DPP10: variants seen among roughly 807,000 people sequenced by gnomAD.
DPP10 encodes the protein dipeptidyl peptidase like 10, also known as inactive dipeptidyl peptidase 10.
DPP10 carries 33 observed loss-of-function variants against 120.9 expected under a neutral mutation model. That is an observed-to-expected ratio of 0.27 (90% CI 0.21 to 0.37). The LOEUF (loss-of-function observed/expected upper bound fraction) is 0.37, where lower values mean the gene tolerates loss of function less well. Ranked by LOEUF, DPP10 falls within the 10% of genes least tolerant of loss-of-function variation. The pLI is 1.00. For synonymous variants in DPP10, 337 were observed against 326.1 expected, an observed-to-expected ratio of 1.03 and a Z score of -0.36; for missense variants, 816 against 942.8, an observed-to-expected ratio of 0.87 and a Z score of 1.76.
chr2:115,362,701 C>T (rs1355243957), intron 3 of DPP10, among the ~76,000 whole-genome samples: 1 of 152,138 alleles, frequency 6.6e-6, no homozygotes, highest in Non-Finnish European at 1.5e-5. Context: ...AGTTTATCGC[C>T]ATGTCAACAT....
intron 7 of DPP10, among the ~76,000 whole-genome samples, chr2:115,711,519 T>G (rs1330610540): frequency 6.6e-6 from 1 of 152,070 alleles, no homozygotes; most frequent in Non-Finnish European, 1.5e-5. Flanking sequence ...GGAGGGTGAT[T>G]GTCTGAGATG....
chr2:115,775,335 C>T (rs1681969004), intron 13 of DPP10, among the ~76,000 whole-genome samples: 1 of 151,528 alleles, frequency 6.6e-6, no homozygotes, highest in African/African-American at 2.4e-5. Flanking sequence ...TCTATAAGAG[C>T]TGTCAAGGGT....
At chr2:115,220,669 C>A (rs929125694) in intron 1 of DPP10, among the ~76,000 whole-genome samples, 3 of 152,182 alleles carry the variant, frequency 2.0e-5, no homozygotes, top group Non-Finnish European at 4.4e-5. Context: ...ATGTCACTTA[C>A]ACTTTGGAAA....
intron 1 of DPP10, among the ~76,000 whole-genome samples, chr2:114,654,242 A>T (rs954006576): frequency 1.3e-5 from 2 of 152,210 alleles, no homozygotes; most frequent in East Asian, 3.9e-4. Context: ...GCAGGTAAGC[A>T]GTCTAACCAG....
chr2:114,502,232 C>T (rs1042463371), intron 1 of DPP10, among the ~76,000 whole-genome samples: 5 of 152,106 alleles, frequency 3.3e-5, no homozygotes, highest in Admixed American at 6.5e-5. Context: ...GGATAACAGG[C>T]GTGAGCCACT....
At chr2:115,171,700 C>T (rs1292727887) in intron 1 of DPP10, among the ~76,000 whole-genome samples, 2 of 149,968 alleles carry the variant, frequency 1.3e-5, no homozygotes, top group African/African-American at 4.9e-5. Context: ...CCTTCCTTGC[C>T]GCTTAAGTAT....
rs2150144630 is a variant in DPP10, at chr2:115,843,385, C to G, written c.*1040C>G. ...GGTGGAGAAGGCTTTTTTCAAAACTCTTGGTCCTTTTACTTCTTTCTCTCA... is the reference window on the plus strand; with the variant it reads ...GGTGGAGAAGGCTTTTTTCAAAACTGTTGGTCCTTTTACTTCTTTCTCTCA... On this transcript the variant is annotated 3_prime_UTR_variant, in exon 26 of 26. Coordinates refer to ENST00000410059, the MANE Select transcript of DPP10 (RefSeq NM_020868.6). The G allele has an allele frequency of 6.5e-6, 1 of 152,714 alleles. No individual in the cohort carries two copies. The highest frequency in any genetic ancestry group is 1.9e-4 in the East Asian group (1 of 5,186). The allele number at this position is 152,714 out of a possible 1,614,324, so 9.5% of individuals were successfully genotyped here.
chr2:115,403,336 A>ACAACGATG (rs970310021), intron 3 of DPP10, among the ~76,000 whole-genome samples: 1 of 150,178 alleles, frequency 6.7e-6, no homozygotes, highest in African/African-American at 2.5e-5. Context: ...CAGGGACAAG[A>ACAACGATG]CAACGATGCT....
chr2:115,612,246 A>C (rs924637848), intron 5 of DPP10, among the ~76,000 whole-genome samples: 1 of 152,284 alleles, frequency 6.6e-6, no homozygotes, highest in African/African-American at 2.4e-5. Context: ...AAATTTTCCA[A>C]AAAGAATCTA....
At chr2:115,567,408 A>G (rs1482873128) in intron 5 of DPP10, among the ~76,000 whole-genome samples, 1 of 152,050 alleles carries the variant, frequency 6.6e-6, no homozygotes, top group African/African-American at 2.4e-5. Context: ...CTGCAAATAC[A>G]TTATATTGTA....
At chr2:115,535,893 C>T (rs2078799824) in intron 5 of DPP10, among the ~76,000 whole-genome samples, 1 of 151,884 alleles carries the variant, frequency 6.6e-6, no homozygotes, top group Non-Finnish European at 1.5e-5. Flanking sequence ...TGGGAGTTCA[C>T]TCATGATTTG....
At chr2:115,242,456 T>C (rs1472726511) in intron 1 of DPP10, among the ~76,000 whole-genome samples, 1 of 152,192 alleles carries the variant, frequency 6.6e-6, no homozygotes, top group Non-Finnish European at 1.5e-5. Context: ...TTGCAAATTG[T>C]GCTGCTATAA....
At chr2:114,954,229 C>T (rs1394920138) in intron 1 of DPP10, among the ~76,000 whole-genome samples, 2 of 151,712 alleles carry the variant, frequency 1.3e-5, no homozygotes, top group East Asian at 1.9e-4. Context: ...TACAGGCGCC[C>T]GCCACCACCC....
intron 1 of DPP10, among the ~76,000 whole-genome samples, chr2:115,004,674 G>A (rs1444581936): frequency 2.0e-5 from 3 of 152,112 alleles, no homozygotes; most frequent in Admixed American, 6.5e-5. Context: ...CTTAAAAAAC[G>A]GCGCACCATG....
chr2:115,379,882 C>A (rs1220833681), intron 3 of DPP10, among the ~76,000 whole-genome samples: 1 of 152,104 alleles, frequency 6.6e-6, no homozygotes, highest in African/African-American at 2.4e-5. Context: ...ATTCTTAATC[C>A]TGAGTTCTAG....
chr2:114,833,577 C>T (rs1024723915), intron 1 of DPP10: 6 of 152,160 alleles, frequency 3.9e-5, no homozygotes, highest in African/African-American at 1.4e-4. Flanking sequence ...TCTGTGACAT[C>T]ATAATTTTGG....
rs377139485 is a variant in DPP10 at position 115,407,932 on chromosome 2, G to A, written c.271+64020G>A. Among the ~76,000 whole-genome samples the A allele has an allele frequency of 3.3e-5, 5 of 152,062 alleles. No individual in the cohort carries two copies. In the South Asian group the frequency reaches 8.3e-4, roughly 25 times the overall value. On this transcript the variant is annotated intron_variant, in intron 3 of 25. Transcript: ENST00000410059. The stretch of plus-strand genomic sequence containing the variant: ...TAGGGATTTAGGATGCATTCAAAAG[G>A]GGTACAGACTGAAGATGAATGGCTA...
chr2:115,163,827 G>A (rs994671391), intron 1 of DPP10, among the ~76,000 whole-genome samples: 2 of 152,018 alleles, frequency 1.3e-5, no homozygotes, highest in South Asian at 2.1e-4. Context: ...GGTGGAAGTG[G>A]GATGCAGAAG....
chr2:115,303,478 C>T (rs1363450936), intron 1 of DPP10, among the ~76,000 whole-genome samples: 1 of 151,790 alleles, frequency 6.6e-6, no homozygotes, highest in Non-Finnish European at 1.5e-5. Context: ...TTTAAAAAAA[C>T]TCCTCTGATT....
Sources: gnomAD v4.1 joint callset for allele counts (sites outside exome capture counted in the v4.1 genomes callset) on GRCh38, gnomAD v4.1.1 for gene constraint, MANE v1.5 for transcripts, NCBI Gene and HGNC (gene_info 2026-07-23, HGNC 2026-07-21) for gene names.